The following WDR7 variants were observed in gnomAD, a reference collection of about 807,000 sequenced individuals.
WDR7 encodes WD repeat domain 7, also known as WD repeat-containing protein 7.
Under a neutral mutation model 169.4 loss-of-function variants are expected in WDR7, and 46 were observed. The observed-to-expected ratio is 0.27, with a 90% CI of 0.21 to 0.35. The LOEUF (loss-of-function observed/expected upper bound fraction) is 0.35, where lower values mean the gene tolerates loss of function less well. Among genes scored for constraint, WDR7 ranks in the 10% least tolerant of loss-of-function variants. The pLI is 1.00. For synonymous variants in WDR7, 612 were observed against 666.8 expected (o/e 0.92, Z 1.27); for missense variants, 1,534 against 1,859.3 (o/e 0.83, Z 3.22).
chr18:56,733,042 C>T (rs1362458205), intron 14 of WDR7, among the ~76,000 whole-genome samples: 1 of 152,042 alleles, frequency 6.6e-6, no homozygotes. Context: ...GGTCGTGGTC[C>T]ATTATGTGAT....
intron 23 of WDR7, 56 bp from the exon 24 acceptor site, chr18:56,938,477 G>A: frequency 3.2e-6 from 5 of 1,576,492 alleles, no homozygotes; most frequent in Non-Finnish European, 4.3e-6. Flanking sequence ...ACCATGGCTA[G>A]AAATGTAAAA....
chr18:57,010,561 T>C (rs529851799), intron 26 of WDR7, among the ~76,000 whole-genome samples: 64 of 152,298 alleles, frequency 4.2e-4, no homozygotes, highest in Middle Eastern at 3.4e-3. Context: ...AAATTGGTGG[T>C]GATCATATAA....
intron 25 of WDR7, among the ~76,000 whole-genome samples, chr18:56,959,644 C>G (rs2047309892): frequency 6.6e-6 from 1 of 152,166 alleles, no homozygotes; most frequent in African/African-American, 2.4e-5. Flanking sequence ...ATAACACTTA[C>G]TCTGAAACCC....
chr18:56,810,035 G>A (rs1189718383), intron 19 of WDR7, among the ~76,000 whole-genome samples: 1 of 152,000 alleles, frequency 6.6e-6, no homozygotes, highest in Non-Finnish European at 1.5e-5. Flanking sequence ...TTAACATAAG[G>A]TCCTGATAGA....
chr18:56,746,881 C>T lies in WDR7; in HGVS notation c.1990-9702C>T, dbSNP rs76871542. On this transcript the variant is annotated intron_variant, in intron 14 of 27. Transcript: ENST00000254442. ...CTCTACCCACTAGATGCTATTAGCACCCTTCCAAGTCGTCACTAGCAAAGT... is the reference window on the plus strand; with the variant it reads ...CTCTACCCACTAGATGCTATTAGCATCCTTCCAAGTCGTCACTAGCAAAGT... Among the ~76,000 whole-genome samples, 806 of 152,282 alleles carry T rather than the reference C, an allele frequency of 5.3e-3. 6 individuals carry two copies. Among genetic ancestry groups the T allele is most frequent in the African/African-American group, 0.018 (767 of 41,554 alleles).
chr18:56,769,852 G>A (rs1002508511), intron 16 of WDR7, among the ~76,000 whole-genome samples: 5 of 152,134 alleles, frequency 3.3e-5, no homozygotes, highest in African/African-American at 1.2e-4. Flanking sequence ...TTAACATAGA[G>A]TCCATACATC....
chr18:56,938,804 A>ATTGAGT, intron 24 of WDR7, 122 bp downstream of exon 24: 5 of 761,132 alleles, frequency 6.6e-6, no homozygotes, highest in Non-Finnish European at 1.0e-5. Flanking sequence ...AGAGAGAAAG[A>ATTGAGT]ATGAGTGTGT....
At chr18:56,685,790 T>G (rs553616726) in intron 5 of WDR7, among the ~76,000 whole-genome samples, 166 bp from the exon 6 acceptor site, 2 of 152,354 alleles carry the variant, frequency 1.3e-5, no homozygotes, top group South Asian at 4.1e-4. Context: ...TTTATTAACT[T>G]GTGTTTCAAA....
rs886609599 is a variant in WDR7, at chr18:56,653,622, G to T, written c.-20+2046G>T. ...TTGTATGTGTTATTAAATGTATATT[G>T]TTCTGGGTGCCCACATTTTTAATTT... On this transcript the variant is annotated intron_variant, in intron 1 of 27. Coordinates refer to ENST00000254442, the MANE Select transcript of WDR7 (RefSeq NM_015285.3). Among the ~76,000 whole-genome samples the T allele has an allele frequency of 2.0e-5, 3 of 152,146 alleles. No individual in the cohort carries two copies. The East Asian group carries it at 5.8e-4, about 29-fold the overall frequency.
Position 56,686,885 on chromosome 18 carries a change from A to C in WDR7, c.628A>C (p.Lys210Gln). 1.9e-6 allele frequency: 3 copies of C among 1,609,104 alleles called. No individual in the cohort carries two copies. Among genetic ancestry groups the C allele is most frequent in the Non-Finnish European group, 2.6e-6 (3 of 1,175,640 alleles). ...TGAGCCAATATTTGAGGAGGAATCC[A>C]AACCAATTTATTGTCAGAATTGCCA... ...DTEPIFEEES[K>Q]PIYCQNCQSI... The change falls in exon 7 of 28, where the codon AAA becomes CAA. Residue 210 changes from lysine (K) to glutamine (Q), a missense_variant. By Grantham distance (53) the Lys-to-Gln change is moderately conservative. Transcript: ENST00000254442.
chr18:56,812,507 T>C (rs897053487), intron 19 of WDR7, among the ~76,000 whole-genome samples: 7 of 152,172 alleles, frequency 4.6e-5, no homozygotes, highest in Non-Finnish European at 8.8e-5. Context: ...CTCATGCAAT[T>C]GCAAAGGCTG....
chr18:56,781,605 A>G lies in WDR7; in HGVS notation c.3139A>G (p.Ile1047Val), dbSNP rs2044318848. The change falls in exon 19 of 28, where the codon ATT becomes GTT. Residue 1047 changes from isoleucine to valine, a missense_variant. Physicochemically the swap from Ile to Val is conservative, Grantham distance 29. Coordinates refer to ENST00000254442, the MANE Select transcript of WDR7 (RefSeq NM_015285.3). ...TGAGCAGGCAGGCAGGAAGGAAGCC[A>G]TTGATGCCTGGGCTCCTTACTTACC... ...RIEQAGRKEA[I>V]DAWAPYLPQY... is the part of the protein sequence containing the mutation. 1.2e-6 allele frequency: 2 copies of G among 1,613,068 alleles called. No individual in the cohort carries two copies. Among genetic ancestry groups the G allele is most frequent in the Non-Finnish European group, 1.7e-6 (2 of 1,179,516 alleles).
Position 56,691,282 on chromosome 18 carries a change from G to C in WDR7, c.784G>C (p.Gly262Arg). 6.2e-7 allele frequency: 1 copy of C among 1,602,862 alleles called. No homozygotes were observed. Among genetic ancestry groups the C allele is most frequent in the Non-Finnish European group, 8.5e-7 (1 of 1,176,296 alleles). Residue 262 changes from glycine (G) to arginine (R), a missense_variant, in exon 8 of 28, where the codon GGG becomes CGG. Gly to Arg is a moderately radical substitution (Grantham distance 125, BLOSUM62 -2). Transcript: ENST00000254442. Reference sequence around the variant, plus strand: ...TAGTGAAAATGGACAGACATGGACCGGGGGGGACTTTGTCTCATCAGATAA... The same window carrying C: ...TAGTGAAAATGGACAGACATGGACCCGGGGGGACTTTGTCTCATCAGATAA... Reference protein sequence around the residue: ...GPSENGQTWTGGDFVSSDKVI... With the variant: ...GPSENGQTWTRGDFVSSDKVI...
chr18:56,694,537 T>C (rs1723147340), intron 9 of WDR7, 82 bp from the exon 10 acceptor site: 1 of 1,388,954 alleles, frequency 7.2e-7, no homozygotes, highest in Non-Finnish European at 9.8e-7. Context: ...AATTACCTAA[T>C]ATCTTTGTTT....
intron 15 of WDR7, 85 bp downstream of exon 15, chr18:56,757,437 G>A: frequency 7.6e-7 from 1 of 1,322,256 alleles, no homozygotes; most frequent in Non-Finnish European, 1.0e-6. Context: ...ACTCTTTTTT[G>A]GCTCTACACA....
chr18:56,671,346 T>C (rs2025131226), intron 1 of WDR7, among the ~76,000 whole-genome samples: 1 of 149,766 alleles, frequency 6.7e-6, no homozygotes, highest in Admixed American at 6.7e-5. Flanking sequence ...TGGAGTGCAA[T>C]GGTGCGATCT....
chr18:56,678,896 T>A (rs191445545), intron 2 of WDR7, among the ~76,000 whole-genome samples: 1 of 152,330 alleles, frequency 6.6e-6, no homozygotes, highest in Non-Finnish European at 1.5e-5. Context: ...TTGTTCTCTG[T>A]TCATCCTTTC....
At chr18:56,898,434 C>T (rs894605927) in intron 21 of WDR7, among the ~76,000 whole-genome samples, 1 of 151,966 alleles carries the variant, frequency 6.6e-6, no homozygotes, top group African/African-American at 2.4e-5. Context: ...AGTTTTTCCT[C>T]CCAAGATATG....
At chr18:56,746,529 A>T (rs997862918) in intron 14 of WDR7, among the ~76,000 whole-genome samples, 7 of 152,006 alleles carry the variant, frequency 4.6e-5, no homozygotes, top group Non-Finnish European at 7.4e-5. Flanking sequence ...TGCTTGTGCC[A>T]CCCTTCACCT....
Sources: gnomAD v4.1 joint callset for allele counts (sites outside exome capture counted in the v4.1 genomes callset) on GRCh38, gnomAD v4.1.1 for gene constraint, MANE v1.5 for transcripts, NCBI Gene and HGNC (gene_info 2026-07-23, HGNC 2026-07-21) for gene names.